NPHP1: variants seen among roughly 807,000 people sequenced by gnomAD.
NPHP1 encodes the protein nephrocystin 1, also known as nephrocystin-1.
NPHP1 carries 70 observed loss-of-function variants against 90.4 expected under a neutral mutation model. The observed-to-expected ratio is 0.77, with a 90% CI of 0.64 to 0.95. NPHP1 has a LOEUF of 0.95. Ranked by LOEUF, NPHP1 falls within the 40% of genes least tolerant of loss-of-function variation. NPHP1 has a pLI of 0.00. For missense variants in NPHP1, 764 were observed against 795.9 expected, an observed-to-expected ratio of 0.96 and a Z score of 0.48; for synonymous variants, 256 against 271.7, an observed-to-expected ratio of 0.94 and a Z score of 0.57.
chr2:110,181,406 T>C (rs1010092757), intron 2 of NPHP1, among the ~76,000 whole-genome samples: 1 of 152,104 alleles, frequency 6.6e-6, no homozygotes, highest in Admixed American at 6.5e-5. Context: ...AAATCAGTAC[T>C]CTCCTGGGAC....
chr2:110,198,450 C>A (rs1169104950), intron 2 of NPHP1, among the ~76,000 whole-genome samples: 1 of 152,092 alleles, frequency 6.6e-6, no homozygotes, highest in African/African-American at 2.4e-5. Context: ...TTATATTAGT[C>A]AAGGGAAGAT....
At chr2:110,151,263 TAC>T (rs1681453815) in intron 11 of NPHP1, among the ~76,000 whole-genome samples, 1 of 151,534 alleles carries the variant, frequency 6.6e-6, no homozygotes, top group South Asian at 2.1e-4. Context: ...ATAGTTCAGA[TAC>T]AGTTATATTT....
chr2:110,167,305 C>T (rs1213949260), intron 6 of NPHP1, among the ~76,000 whole-genome samples: 1 of 152,032 alleles, frequency 6.6e-6, no homozygotes, highest in East Asian at 1.9e-4. Flanking sequence ...GGACAGGTTA[C>T]CAGAAAAACC....
In NPHP1 at chr2:110,179,496, A is replaced by G. The variant is rs1683735708; in HGVS notation, c.204+128T>C. On this transcript the variant is annotated intron_variant, in intron 3 of 19. Transcript: ENST00000445609. Reference sequence around the variant, plus strand: ...TAGCAAGCCTGTTCGGCAAGCCAGCACTGGCTGCAGTTAGACTATATCACT... The same window carrying G: ...TAGCAAGCCTGTTCGGCAAGCCAGCGCTGGCTGCAGTTAGACTATATCACT... 8 of 597,374 alleles carry G rather than the reference A, an allele frequency of 1.3e-5. 1 individual carries two copies. Among genetic ancestry groups the G allele is most frequent in the South Asian group, 1.2e-4 (7 of 56,380 alleles). The allele number at this position is 597,374 out of a possible 1,614,324, so 37.0% of individuals were successfully genotyped here.
chr2:110,134,923 A>C (rs1305140462), intron 16 of NPHP1, among the ~76,000 whole-genome samples: 1 of 152,174 alleles, frequency 6.6e-6, no homozygotes, highest in Non-Finnish European at 1.5e-5. Context: ...ATAAGGAACA[A>C]GACAAGGATC....
At chr2:110,159,459 T>A (rs1309972184) in intron 11 of NPHP1, among the ~76,000 whole-genome samples, 2 of 152,046 alleles carry the variant, frequency 1.3e-5, no homozygotes, top group African/African-American at 4.8e-5. Context: ...TTAATATCTT[T>A]ACCAGAGGTT....
chr2:110,131,754 T>C lies in NPHP1; in HGVS notation c.1567A>G (p.Ile523Val). The change falls in exon 17 of 20, where the codon ATT becomes GTT. Residue 523 changes from isoleucine to valine, a missense_variant. Transcript: ENST00000445609. Reference protein sequence around the residue: ...PETLIGNMCSIHLLIFYRQIL... With the variant: ...PETLIGNMCSVHLLIFYRQIL... ...TGTCGATAAAATATCAACAAGTGAA[T>C]AGAACACATATTTCCAATTAATGTT... The C allele has an allele frequency of 6.2e-7, 1 of 1,611,972 alleles. No individual in the cohort carries two copies. Among genetic ancestry groups the C allele is most frequent in the Non-Finnish European group, 8.5e-7 (1 of 1,178,102 alleles).
chr2:110,149,052 C>A (rs191634005), intron 12 of NPHP1, among the ~76,000 whole-genome samples: 1 of 152,184 alleles, frequency 6.6e-6, no homozygotes, highest in Non-Finnish European at 1.5e-5. Context: ...ACCAACAGTA[C>A]TTGCCCCACA....
At chr2:110,178,738 A>C in intron 3 of NPHP1, 191 bp from the exon 4 acceptor site, 1 of 571,080 alleles carries the variant, frequency 1.8e-6, no homozygotes, top group Non-Finnish European at 3.0e-6. Context: ...CAAATGAAAA[A>C]ATAAAATTAT....
intron 15 of NPHP1, 144 bp from the exon 16 acceptor site, chr2:110,143,785 G>C: frequency 1.5e-6 from 1 of 662,534 alleles, no homozygotes. Context: ...CCCTAAATGA[G>C]CTGAGAGACC....
At chr2:110,134,187 TA>T (rs1679994972) in intron 16 of NPHP1, among the ~76,000 whole-genome samples, 1 of 151,778 alleles carries the variant, frequency 6.6e-6, no homozygotes, top group Non-Finnish European at 1.5e-5. Context: ...TTTACAGAAA[TA>T]AAAAATGTGT....
intron 9 of NPHP1, among the ~76,000 whole-genome samples, chr2:110,162,842 C>T (rs1682442181): frequency 6.6e-6 from 1 of 152,074 alleles, no homozygotes; most frequent in Non-Finnish European, 1.5e-5. Flanking sequence ...GGGGCTGGAA[C>T]CCGGAGCACT....
chr2:110,148,822 G>T (rs1681257427), intron 12 of NPHP1, among the ~76,000 whole-genome samples: 1 of 152,118 alleles, frequency 6.6e-6, no homozygotes, highest in Admixed American at 6.6e-5. Context: ...TGTGTGCCTT[G>T]TGAATTTTCA....
rs367611934 is a variant in NPHP1, at chr2:110,129,289, A to G, written c.1643-30T>C. On this transcript the variant is annotated intron_variant, in intron 17 of 19. Coordinates refer to ENST00000445609, the MANE Select transcript of NPHP1 (RefSeq NM_001128178.3). ...AATGCAAAACAACAGAAAGAATTTT[A>G]TGCAAACTTCACTCAATGGATTTTA... is the stretch of plus-strand genomic sequence containing the variant. 3 of 1,529,452 alleles carry G rather than the reference A, an allele frequency of 2.0e-6. No individual in the cohort carries two copies. The African/African-American group carries it at 4.1e-5, about 21-fold the overall frequency. The allele number at this position is 1,529,452 out of a possible 1,614,324, so 94.7% of individuals were successfully genotyped here. A position where few individuals can be genotyped will look rare whatever the true frequency, so the allele number is the denominator to read the frequency against.
At chr2:110,155,352 G>A (rs1480010174) in intron 11 of NPHP1, among the ~76,000 whole-genome samples, 1 of 152,186 alleles carries the variant, frequency 6.6e-6, no homozygotes, top group African/African-American at 2.4e-5. Flanking sequence ...AAAGGGAAAT[G>A]TGGGGTTGGA....
At chr2:110,161,841 G>A (rs745401034) in intron 9 of NPHP1, 144 bp from the exon 10 acceptor site, 11 of 619,804 alleles carry the variant, frequency 1.8e-5, no homozygotes, top group Non-Finnish European at 2.6e-5. Flanking sequence ...AAATAGAAGC[G>A]CCAATATAGA....
chr2:110,167,785 G>C (rs1020292838), intron 6 of NPHP1, among the ~76,000 whole-genome samples: 4 of 152,102 alleles, frequency 2.6e-5, no homozygotes, highest in South Asian at 2.1e-4. Context: ...TTTAACCTGT[G>C]GGGGTCTGTG....
intron 14 of NPHP1, among the ~76,000 whole-genome samples, chr2:110,145,401 C>T (rs948516373): frequency 6.6e-6 from 1 of 152,078 alleles, no homozygotes; most frequent in African/African-American, 2.4e-5. Context: ...AGCAATCCTC[C>T]CAGCTCAGCC....
chr2:110,125,153 C>T, intron 19 of NPHP1: 1 of 1,512,762 alleles, frequency 6.6e-7, no homozygotes. Context: ...TCCCATTTGC[C>T]AAATCCTGGA....
Sources: gnomAD v4.1 joint callset for allele counts (sites outside exome capture counted in the v4.1 genomes callset) on GRCh38, gnomAD v4.1.1 for gene constraint, MANE v1.5 for transcripts, NCBI Gene and HGNC (gene_info 2026-07-23, HGNC 2026-07-21) for gene names.